The following LRRC4C variants were observed in gnomAD, a reference collection of about 807,000 sequenced individuals.
LRRC4C encodes the protein leucine rich repeat containing 4C.
In LRRC4C, 5 loss-of-function variants were observed where a neutral mutation model predicts 33.6. The ratio of observed to expected loss-of-function variants is 0.15; its 90% confidence interval spans 0.08 to 0.31. The LOEUF is 0.31. Among genes scored for constraint, LRRC4C ranks in the 10% least tolerant of loss-of-function variants. The pLI is 1.00. For missense variants in LRRC4C, 560 were observed against 796.7 expected, an observed-to-expected ratio of 0.70 and a Z score of 3.58; for synonymous variants, 329 against 302.0, an observed-to-expected ratio of 1.09 and a Z score of -0.93.
intron 2 of LRRC4C, among the ~76,000 whole-genome samples, chr11:40,671,838 T>C (rs1944138067): frequency 6.6e-6 from 1 of 152,184 alleles, no homozygotes; most frequent in Non-Finnish European, 1.5e-5. Context: ...TCTAAGATTA[T>C]TTCTAAGTAC....
chr11:40,730,162 T>G (rs1947489073), intron 2 of LRRC4C, among the ~76,000 whole-genome samples: 1 of 151,984 alleles, frequency 6.6e-6, no homozygotes, highest in Non-Finnish European at 1.5e-5. Context: ...AGATGACAAG[T>G]TAGTGGGTGC....
At chr11:41,137,958 T>G (rs1943337377) in intron 1 of LRRC4C, among the ~76,000 whole-genome samples, 1 of 152,206 alleles carries the variant, frequency 6.6e-6, no homozygotes, top group Non-Finnish European at 1.5e-5. Flanking sequence ...TCTCCTTTCC[T>G]TCAGTTACCA....
intron 5 of LRRC4C, among the ~76,000 whole-genome samples, chr11:40,202,979 T>G (rs907888069): frequency 3.3e-5 from 5 of 152,222 alleles, no homozygotes; most frequent in Non-Finnish European, 7.3e-5. Flanking sequence ...TTACTTTTTT[T>G]TGTCCTTTCT....
At chr11:40,874,997 A>G (rs1029362053) in intron 2 of LRRC4C, among the ~76,000 whole-genome samples, 18 of 152,190 alleles carry the variant, frequency 1.2e-4, no homozygotes, top group African/African-American at 4.3e-4. Context: ...ACAAAAGGTA[A>G]TCAACATAGA....
chr11:40,727,598 A>G (rs550333951), intron 2 of LRRC4C, among the ~76,000 whole-genome samples: 1 of 152,314 alleles, frequency 6.6e-6, no homozygotes, highest in East Asian at 1.9e-4. Context: ...AAAAGAAACT[A>G]TCAACAGAGC....
chr11:40,737,995 A>G (rs1008793016), intron 2 of LRRC4C, among the ~76,000 whole-genome samples: 1 of 152,154 alleles, frequency 6.6e-6, no homozygotes, highest in Non-Finnish European at 1.5e-5. Flanking sequence ...AGTAACCAAA[A>G]CAGCATGGTA....
At chr11:40,533,968 C>G (rs1250986195) in intron 3 of LRRC4C, among the ~76,000 whole-genome samples, 1 of 152,150 alleles carries the variant, frequency 6.6e-6, no homozygotes, top group Non-Finnish European at 1.5e-5. Flanking sequence ...TTGCCCAGCA[C>G]AATGCAGTGG....
At chr11:40,703,691 G>T (rs1945997068) in intron 2 of LRRC4C, among the ~76,000 whole-genome samples, 2 of 152,118 alleles carry the variant, frequency 1.3e-5, no homozygotes, top group Admixed American at 6.6e-5. Flanking sequence ...GAAAAGCAAG[G>T]CAAAAGCAAG....
intron 1 of LRRC4C, among the ~76,000 whole-genome samples, chr11:41,434,980 C>T (rs1035550890): frequency 1.3e-5 from 2 of 152,126 alleles, no homozygotes; most frequent in Non-Finnish European, 2.9e-5. Context: ...AGTTATCTTG[C>T]ATTTTATAAG....
intron 1 of LRRC4C, among the ~76,000 whole-genome samples, chr11:41,233,175 A>G (rs1281748429): frequency 6.6e-6 from 1 of 152,082 alleles, no homozygotes; most frequent in Non-Finnish European, 1.5e-5. Flanking sequence ...TTTTACCACT[A>G]CTAGGAAAGA....
chr11:40,727,176 G>T (rs143328502), intron 2 of LRRC4C, among the ~76,000 whole-genome samples: 3 of 152,152 alleles, frequency 2.0e-5, no homozygotes, highest in South Asian at 2.1e-4. Flanking sequence ...ATACTGTAAG[G>T]CTCCAGTAAC....
At chr11:40,818,389 G>A (rs1418685015) in intron 2 of LRRC4C, among the ~76,000 whole-genome samples, 1 of 151,926 alleles carries the variant, frequency 6.6e-6, no homozygotes, top group African/African-American at 2.4e-5. Context: ...TACCTAATAA[G>A]TTTCACTTGG....
chr11:41,268,417 G>A (rs1453771401), intron 1 of LRRC4C, among the ~76,000 whole-genome samples: 3 of 152,004 alleles, frequency 2.0e-5, no homozygotes, highest in South Asian at 2.1e-4. Context: ...TTAAGACATC[G>A]GCTCTGTGGC....
At chr11:40,798,059 CT>C (rs1172515905) in intron 2 of LRRC4C, among the ~76,000 whole-genome samples, 1 of 152,180 alleles carries the variant, frequency 6.6e-6, no homozygotes, top group Admixed American at 6.6e-5. Flanking sequence ...GTACTGGCAG[CT>C]CTTTGCTCCT....
chr11:40,209,232 C>T (rs530965652), intron 5 of LRRC4C, among the ~76,000 whole-genome samples: 5 of 152,206 alleles, frequency 3.3e-5, no homozygotes, highest in Admixed American at 3.3e-4. Context: ...TTCACAACAG[C>T]CGTGTTTCTA....
intron 3 of LRRC4C, among the ~76,000 whole-genome samples, chr11:40,587,724 T>C (rs1591193090): frequency 6.6e-6 from 1 of 152,066 alleles, no homozygotes; most frequent in East Asian, 1.9e-4. Flanking sequence ...TCTGCATCTA[T>C]TGAGATAATC....
At chr11:41,093,870 T>C in intron 1 of LRRC4C, among the ~76,000 whole-genome samples, 1 of 133,288 alleles carries the variant, frequency 7.5e-6, no homozygotes, top group Non-Finnish European at 1.5e-5. Flanking sequence ...GGCGGGCGGA[T>C]CACAAGGTCA....
At chr11:40,633,776 T>A (rs951023097) in intron 3 of LRRC4C, among the ~76,000 whole-genome samples, 39 of 152,178 alleles carry the variant, frequency 2.6e-4, no homozygotes, top group African/African-American at 9.4e-4. Context: ...ATGTACATTA[T>A]TTTAGGGAAA....
intron 3 of LRRC4C, among the ~76,000 whole-genome samples, chr11:40,489,521 T>C (rs915924706): frequency 2.6e-5 from 4 of 152,092 alleles, no homozygotes; most frequent in African/African-American, 9.7e-5. Flanking sequence ...TGTCATTATT[T>C]ATATATATGA....
Sources: allele counts gnomAD v4.1 joint callset (sites outside exome capture counted in the v4.1 genomes callset), GRCh38; gene constraint gnomAD v4.1.1; transcripts MANE v1.5; gene names NCBI Gene and HGNC (gene_info 2026-07-23, HGNC 2026-07-21).